DNAH7: variants seen among roughly 807,000 people sequenced by gnomAD.
DNAH7 encodes the protein axonemal beta dynein heavy chain 7.
In DNAH7, 397 loss-of-function variants were observed where a neutral mutation model predicts 444.6. The ratio of observed to expected loss-of-function variants is 0.89; its 90% CI spans 0.82 to 0.97. DNAH7 has a LOEUF of 0.97. DNAH7 is among the 50% of genes least tolerant of loss of function. The probability of loss-of-function intolerance (pLI) is 0.00; values close to 1 mark genes in which losing one functional copy is unlikely to be tolerated. For missense variants in DNAH7, 4,902 were observed against 4,800.8 expected (o/e 1.02, Z -0.62); for synonymous variants, 1,636 against 1,624.4 (o/e 1.01, Z -0.17).
In DNAH7 at chr2:195,856,042, ACTTT is replaced by A. The variant is rs781074007; in HGVS notation, c.8415-55_8415-52del. On this transcript the variant is annotated intron_variant, in intron 44 of 64. Transcript: ENST00000312428. ...AAATATTCATTTAATATTCCAGTAC[ACTTT>A]CTATCACTGAATTTACTTTTCTAAT... The A allele has an allele frequency of 2.7e-6, 4 of 1,502,282 alleles. No individual in the cohort carries two copies. The African/African-American group carries it at 5.6e-5, about 21-fold the overall frequency. The allele number at this position is 1,502,282 out of a possible 1,614,324, so 93.1% of individuals were successfully genotyped here. A position where few individuals can be genotyped will look rare whatever the true frequency, so the allele number is the denominator to read the frequency against.
chr2:196,068,526 G>A, intron 1 of DNAH7, 171 bp downstream of exon 1: 1 of 816,678 alleles, frequency 1.2e-6, no homozygotes. Context: ...GAACTTATAA[G>A]GGCATTCACG....
intron 48 of DNAH7, 51 bp from the exon 49 acceptor site, chr2:195,824,496 ATAT>A (rs1193253366): frequency 3.5e-6 from 5 of 1,413,636 alleles, no homozygotes; most frequent in East Asian, 5.1e-5. Context: ...TTGACTATAA[ATAT>A]TATAAATATT....
chr2:195,846,947 A>ATGTGTG (rs1315064692), intron 46 of DNAH7, among the ~76,000 whole-genome samples: 5 of 108,874 alleles, frequency 4.6e-5, no homozygotes, highest in African/African-American at 2.2e-4. Flanking sequence ...AAACTCCCAT[A>ATGTGTG]TATGTGTGTG....
intron 27 of DNAH7, chr2:195,905,046 A>AAC (rs1686931487): frequency 2.6e-5 from 4 of 152,306 alleles, no homozygotes; most frequent in Admixed American, 2.6e-4. Flanking sequence ...GAAGGAAAAT[A>AAC]CATTATCCCC....
intron 51 of DNAH7, 142 bp from the exon 52 acceptor site, chr2:195,810,013 G>A: frequency 1.8e-6 from 1 of 544,852 alleles, no homozygotes. Context: ...TTAATTGGGT[G>A]TACCAATTTG....
Position 195,922,109 on chromosome 2 carries a change from G to T in DNAH7, c.3914C>A (p.Pro1305Gln). 1 of 1,604,082 alleles carries T rather than the reference G, an allele frequency of 6.2e-7. No homozygotes were observed. The highest frequency in any genetic ancestry group is 1.1e-5 in the South Asian group (1 of 90,830). ...LGNSPRLVIT[P>Q]LTDRCYRTLF... The stretch of plus-strand genomic sequence containing the variant: ...TTACCTGTAACATCTATCCGTGAGT[G>T]GTGTAATAACCAGCCTAGGGGAATT... Residue 1305 changes from proline (P) to glutamine (Q), a missense_variant, in exon 24 of 65, where the codon CCA becomes CAA. Coordinates refer to ENST00000312428, the MANE Select transcript of DNAH7 (RefSeq NM_018897.3).
At chr2:195,845,740 C>T (rs991142018) in intron 46 of DNAH7, among the ~76,000 whole-genome samples, 15 of 152,106 alleles carry the variant, frequency 9.9e-5, no homozygotes, top group African/African-American at 3.4e-4. Flanking sequence ...ACACAGTTGA[C>T]AAAAATAAGC....
chr2:195,780,289 G>C (rs1333138713), intron 58 of DNAH7, among the ~76,000 whole-genome samples: 1 of 151,758 alleles, frequency 6.6e-6, no homozygotes, highest in Non-Finnish European at 1.5e-5. Flanking sequence ...TATTCACTCT[G>C]ATCTATGTTT....
chr2:195,861,658 C>A, intron 42 of DNAH7, 59 bp downstream of exon 42: 1 of 1,196,008 alleles, frequency 8.4e-7, no homozygotes, highest in Admixed American at 2.2e-5. Context: ...GTCGTTTTTG[C>A]ACACACAAGT....
intron 15 of DNAH7, among the ~76,000 whole-genome samples, chr2:195,976,747 C>CAGAGAGGGAGAGAGAGAGAGAG (rs1692215916): frequency 2.2e-5 from 2 of 90,542 alleles, no homozygotes; most frequent in Non-Finnish European, 4.8e-5. Flanking sequence ...GAGAGGCAGA[C>CAGAGAGGGAGAGAGAGAGAGAG]AGAGAGAGAG....
Position 195,816,933 on chromosome 2 carries a change from T to C in DNAH7, c.9456A>G (p.Leu3152=), listed in dbSNP as rs1207250185. 1.9e-6 allele frequency: 3 copies of C among 1,603,558 alleles called. No homozygotes were observed. In the African/African-American group the frequency reaches 4.0e-5, roughly 22 times the overall value. Residue 3152 remains leucine, a synonymous_variant, in exon 51 of 65, where the codon TTA becomes TTG. Coordinates refer to ENST00000312428, the MANE Select transcript of DNAH7 (RefSeq NM_018897.3). ...TGCCTTCCGAAGATGAAAGAACTTC[T>C]AAAATCTTGTCTTCTATTTCTTTTA... is the stretch of plus-strand genomic sequence containing the variant. ...RQLKEIEDKI[L]EVLSSSEGNI...
At chr2:195,902,311 A>C (rs138987117) in intron 27 of DNAH7, 34 of 152,308 alleles carry the variant, frequency 2.2e-4, no homozygotes, top group African/African-American at 7.9e-4. Context: ...AAAGAATAAA[A>C]TGTTTAAAAA....
intron 10 of DNAH7, among the ~76,000 whole-genome samples, chr2:196,002,307 A>G (rs1030175488): frequency 1.3e-5 from 2 of 152,224 alleles, no homozygotes; most frequent in African/African-American, 4.8e-5. Context: ...CTATCTGTTT[A>G]CAGTTACTTG....
intron 63 of DNAH7, among the ~76,000 whole-genome samples, chr2:195,743,394 AACCCTAAT>A (rs751238692): frequency 9.2e-5 from 14 of 152,218 alleles, no homozygotes; most frequent in Non-Finnish European, 1.9e-4. Flanking sequence ...CCCTCTAGAG[AACCCTAAT>A]ACAGATTTCA....
At chr2:195,994,428 A>C in intron 12 of DNAH7, 1 of 694,348 alleles carries the variant, frequency 1.4e-6, no homozygotes, top group African/African-American at 1.8e-5. Flanking sequence ...CTGCTGTAAA[A>C]AGTTGGCTGG....
chr2:195,915,350 G>T (rs2125323619), intron 24 of DNAH7, among the ~76,000 whole-genome samples: 1 of 152,250 alleles, frequency 6.6e-6, no homozygotes, highest in East Asian at 1.9e-4. Flanking sequence ...ACTTGCCAGG[G>T]AAACAAGAGA....
chr2:196,006,298 C>T (rs1694370697), intron 10 of DNAH7, among the ~76,000 whole-genome samples: 1 of 151,818 alleles, frequency 6.6e-6, no homozygotes, highest in African/African-American at 2.4e-5. Context: ...AGAGCAAGGC[C>T]CTGTCTCCAA....
intron 8 of DNAH7, among the ~76,000 whole-genome samples, chr2:196,020,866 C>T (rs929871395): frequency 6.6e-6 from 1 of 152,288 alleles, no homozygotes; most frequent in Non-Finnish European, 1.5e-5. Flanking sequence ...CTCTTCTCAG[C>T]CTCCCAAAGT....
intron 19 of DNAH7, among the ~76,000 whole-genome samples, chr2:195,938,369 C>A (rs1689195337): frequency 6.6e-6 from 1 of 151,636 alleles, no homozygotes; most frequent in South Asian, 2.1e-4. Flanking sequence ...CACACACACA[C>A]ACACACACAC....
Sources: gnomAD v4.1 joint callset for allele counts (sites outside exome capture counted in the v4.1 genomes callset) on GRCh38, gnomAD v4.1.1 for gene constraint, MANE v1.5 for transcripts, NCBI Gene and HGNC (gene_info 2026-07-23, HGNC 2026-07-21) for gene names.